Variants in EIF2AK3 observed in about 807,000 individuals in gnomAD.
EIF2AK3 encodes eukaryotic translation initiation factor 2-alpha kinase 3.
EIF2AK3 carries 50 observed loss-of-function variants against 113.5 expected under a neutral mutation model. That is an observed-to-expected ratio of 0.44 (90% CI 0.35 to 0.56). The LOEUF is 0.56. EIF2AK3 is among the 20% of genes least tolerant of loss of function. EIF2AK3 has a pLI of 0.00. For missense variants in EIF2AK3, 1,185 were observed against 1,378.0 expected, an observed-to-expected ratio of 0.86 and a Z score of 2.22; for synonymous variants, 448 against 495.4, an observed-to-expected ratio of 0.90 and a Z score of 1.27.
intron 1 of EIF2AK3, 109 bp downstream of exon 1, chr2:88,626,858 G>T (rs1208639728): frequency 4.2e-6 from 6 of 1,443,068 alleles, no homozygotes; most frequent in Non-Finnish European, 5.6e-6. Flanking sequence ...GCCCTCCGCA[G>T]CCGAGGGAAG....
At chr2:88,570,749 G>T in intron 14 of EIF2AK3, 125 bp downstream of exon 14, 1 of 1,206,092 alleles carries the variant, frequency 8.3e-7, no homozygotes, top group Non-Finnish European at 1.2e-6. Flanking sequence ...GAACACTACT[G>T]CCAGTTTTCA....
At chr2:88,612,043 C>G (rs1675469759) in intron 2 of EIF2AK3, among the ~76,000 whole-genome samples, 1 of 152,146 alleles carries the variant, frequency 6.6e-6, no homozygotes, top group African/African-American at 2.4e-5. Flanking sequence ...ATGGTGCGAA[C>G]TAAAGACAGT....
chr2:88,563,531 C>G (rs1674020709), intron 14 of EIF2AK3, among the ~76,000 whole-genome samples: 1 of 152,108 alleles, frequency 6.6e-6, no homozygotes, highest in Non-Finnish European at 1.5e-5. Flanking sequence ...TAAATAAACA[C>G]AAATTTATAA....
At chr2:88,576,242 A>G (rs1462535342) in intron 12 of EIF2AK3, among the ~76,000 whole-genome samples, 2 of 152,194 alleles carry the variant, frequency 1.3e-5, no homozygotes, top group Non-Finnish European at 2.9e-5. Context: ...TTAAAATGTA[A>G]GTTCTCTCTT....
intron 2 of EIF2AK3, among the ~76,000 whole-genome samples, chr2:88,609,262 G>C (rs1190219449): frequency 6.6e-6 from 1 of 152,122 alleles, no homozygotes; most frequent in African/African-American, 2.4e-5. Flanking sequence ...TTCAAAGTAT[G>C]GTTCGTGGAT....
chr2:88,568,955 A>G (rs1674215661), intron 14 of EIF2AK3, among the ~76,000 whole-genome samples: 1 of 152,080 alleles, frequency 6.6e-6, no homozygotes, highest in Non-Finnish European at 1.5e-5. Flanking sequence ...CAGTGGTGCA[A>G]TCTCGGCTCA....
intron 11 of EIF2AK3, among the ~76,000 whole-genome samples, chr2:88,578,116 A>G (rs959101055): frequency 1.3e-5 from 2 of 152,206 alleles, no homozygotes; most frequent in Non-Finnish European, 2.9e-5. Context: ...AAACTACTCA[A>G]AAGTTATTTA....
rs4479429 is a variant in EIF2AK3 at position 88,593,024 on chromosome 2, C to T, written c.767+248G>A. On this transcript the variant is annotated intron_variant, in intron 4 of 16. Transcript: ENST00000303236. Reference sequence around the variant, plus strand: ...GGGTGTGGTGGCACGTGCCTGTAATCCCCGGTACTCGGGAGGCAGAGGCAG... The same window carrying T: ...GGGTGTGGTGGCACGTGCCTGTAATTCCCGGTACTCGGGAGGCAGAGGCAG... Among the ~76,000 whole-genome samples, 34,860 of 151,984 alleles carry T rather than the reference C, an allele frequency of 0.23. 4,476 individuals are homozygous for T. The highest frequency in any genetic ancestry group is 0.44 in the Middle Eastern group (128 of 292).
rs1329425023 is a variant in EIF2AK3 at position 88,575,244 on chromosome 2, C to G, written c.2239G>C (p.Asp747His). The change falls in exon 13 of 17, where the codon GAC becomes CAC. Residue 747 changes from aspartate to histidine, a missense_variant. Around this residue, in one of 3 missense-constraint regions of EIF2AK3, gnomAD observed 877 missense variants for 1,024.2 expected, o/e 0.86. Transcript: ENST00000303236. The stretch of plus-strand genomic sequence containing the variant: ...ACTGACTCACTGATGTCCTCATGGT[C>G]CATTCCTGAGAATTCCAGTGGTGAG... Reference protein sequence around the residue: ...QFSPLEFSGMDHEDISESVDA... With the variant: ...QFSPLEFSGMHHEDISESVDA... 3.7e-6 allele frequency: 6 copies of G among 1,613,644 alleles called. No individual in the cohort carries two copies. The highest frequency in any genetic ancestry group is 5.1e-6 in the Non-Finnish European group (6 of 1,179,804).
In EIF2AK3 at chr2:88,613,718, T is replaced by C; in HGVS notation, c.438+6A>G. 1.2e-6 allele frequency: 2 copies of C among 1,613,988 alleles called. No homozygotes were observed. Among genetic ancestry groups the C allele is most frequent in the Non-Finnish European group, 1.7e-6 (2 of 1,179,918 alleles). ...TTCTAGTCAACAGTTAACAGAAAAT[T>C]CTTACCTCTGGTTTGCTAAGGCTGG... On this transcript the variant is annotated splice_donor_region_variant and intron_variant, in intron 2 of 16. Coordinates refer to ENST00000303236, the MANE Select transcript of EIF2AK3 (RefSeq NM_004836.7).
At chr2:88,621,636 C>T (rs1437129726) in intron 1 of EIF2AK3, among the ~76,000 whole-genome samples, 3 of 152,196 alleles carry the variant, frequency 2.0e-5, no homozygotes, top group African/African-American at 2.4e-5. Flanking sequence ...TTAGACTATA[C>T]TTCCTGGTCC....
At chr2:88,591,839 T>C (rs1254847991) in intron 4 of EIF2AK3, among the ~76,000 whole-genome samples, 1 of 152,122 alleles carries the variant, frequency 6.6e-6, no homozygotes, top group Non-Finnish European at 1.5e-5. Context: ...AAAAATCTGT[T>C]AAGTTGGACA....
chr2:88,560,621 A>G (rs961283008), intron 15 of EIF2AK3, among the ~76,000 whole-genome samples: 4 of 152,116 alleles, frequency 2.6e-5, no homozygotes, highest in Admixed American at 1.3e-4. Context: ...AGGCATTTAT[A>G]ACTATATAAA....
chr2:88,625,115 A>G (rs1326299780), intron 1 of EIF2AK3, among the ~76,000 whole-genome samples: 1 of 152,200 alleles, frequency 6.6e-6, no homozygotes, highest in African/African-American at 2.4e-5. Context: ...ACTCTCATTC[A>G]GGGAGTGTGG....
At chr2:88,626,872 C>T in intron 1 of EIF2AK3, 95 bp downstream of exon 1, 1 of 1,511,808 alleles carries the variant, frequency 6.6e-7, no homozygotes, top group Non-Finnish European at 8.9e-7. Flanking sequence ...AGGGAAGACG[C>T]CCGCCCGGGT....
At position 88,586,072 on chromosome 2, in the gene EIF2AK3, A is replaced by T; in HGVS notation, c.1430-11T>A. 1 of 1,609,592 alleles carries T rather than the reference A, an allele frequency of 6.2e-7. No homozygotes were observed. The highest frequency in any genetic ancestry group is 8.5e-7 in the Non-Finnish European group (1 of 1,176,244). On this transcript the variant is annotated splice_polypyrimidine_tract_variant and intron_variant, in intron 8 of 16. Transcript: ENST00000303236. ...GATAATAACCATTATCTTCAAATAG[A>T]AACATTAAAACGTTTTTTTTAAAGG... is the stretch of plus-strand genomic sequence containing the variant.
chr2:88,588,098 G>A lies in EIF2AK3; in HGVS notation c.1313C>T (p.Pro438Leu). 1 of 1,473,874 alleles carries A rather than the reference G, an allele frequency of 6.8e-7. No homozygotes were observed. The highest frequency in any genetic ancestry group is 9.4e-7 in the Non-Finnish European group (1 of 1,065,092). The allele number at this position is 1,473,874 out of a possible 1,614,324, so 91.3% of individuals were successfully genotyped here. The change falls in exon 8 of 17, where the codon CCT becomes CTT. Residue 438 changes from proline to leucine, a missense_variant. Physicochemically the swap from Pro to Leu is moderately conservative, Grantham distance 98. Coordinates refer to ENST00000303236, the MANE Select transcript of EIF2AK3 (RefSeq NM_004836.7). ...TIKWKPLIHS[P>L]SRTPVLVGSD... is the part of the protein sequence containing the mutation. ...TCCTACCAAGACAGGAGTTCTGGAA[G>A]GAGAATCTAAAAGAAAATTATTATT...
chr2:88,626,944 C>T (rs751408955), intron 1 of EIF2AK3, 23 bp downstream of exon 1: 5 of 1,605,424 alleles, frequency 3.1e-6, no homozygotes, highest in African/African-American at 2.7e-5. Context: ...CAAGTTGCCT[C>T]CCCCGGGTCG....
intron 13 of EIF2AK3, among the ~76,000 whole-genome samples, chr2:88,573,870 A>G (rs549470492): frequency 5.3e-5 from 8 of 152,312 alleles, no homozygotes; most frequent in Non-Finnish European, 8.8e-5. Flanking sequence ...CTTTCATCAG[A>G]AAAGTATTTA....
Sources: allele counts gnomAD v4.1 joint callset (sites outside exome capture counted in the v4.1 genomes callset), GRCh38; gene constraint gnomAD v4.1.1; regional missense constraint gnomAD v4.1.1; transcripts MANE v1.5; gene names NCBI Gene and HGNC (gene_info 2026-07-23, HGNC 2026-07-21).